TENM2: variants seen among roughly 807,000 people sequenced by gnomAD.
The protein encoded by TENM2 is teneurin-2.
A neutral mutation model predicts 245.2 loss-of-function variants in TENM2; 52 were observed. The observed-to-expected ratio is 0.21, with a 90% CI of 0.17 to 0.27. The LOEUF (loss-of-function observed/expected upper bound fraction) is 0.27, where lower values mean the gene tolerates loss of function less well. Among genes scored for constraint, TENM2 ranks in the 10% least tolerant of loss-of-function variants. The probability of loss-of-function intolerance (pLI) is 1.00; values close to 1 mark genes in which losing one functional copy is unlikely to be tolerated. For missense variants in TENM2, 3,046 were observed against 3,666.8 expected, an observed-to-expected ratio of 0.83 and a Z score of 4.37; for synonymous variants, 1,363 against 1,438.9, an observed-to-expected ratio of 0.95 and a Z score of 1.19.
intron 1 of TENM2, among the ~76,000 whole-genome samples, chr5:167,303,524 T>A (rs1755485335): frequency 1.3e-5 from 2 of 152,004 alleles, no homozygotes; most frequent in Non-Finnish European, 2.9e-5. Context: ...GAGAAGGAAT[T>A]TCACAAGATA....
At chr5:167,445,336 T>TATATATATATAGAGAG (rs368881390) in intron 2 of TENM2, among the ~76,000 whole-genome samples, 14 of 77,300 alleles carry the variant, frequency 1.8e-4, no homozygotes, top group Admixed American at 8.6e-4. Context: ...TATATATATA[T>TATATATATATAGAGAG]AGAGAGAGAG....
intron 7 of TENM2, among the ~76,000 whole-genome samples, chr5:168,076,898 A>C (rs922274336): frequency 1.3e-5 from 2 of 152,102 alleles, no homozygotes; most frequent in Non-Finnish European, 2.9e-5. Context: ...TGCAAATGAG[A>C]GAGGCGGGCC....
the TENM2 span, among the ~76,000 whole-genome samples, chr5:167,094,574 T>C: frequency 6.6e-6 from 1 of 152,234 alleles, no homozygotes; most frequent in African/African-American, 2.4e-5. Context: ...CTATCACTAA[T>C]TTTTTCAATA....
intron 2 of TENM2, among the ~76,000 whole-genome samples, chr5:167,437,600 T>C (rs549556429): frequency 3.9e-5 from 6 of 152,212 alleles, no homozygotes; most frequent in Non-Finnish European, 8.8e-5. Context: ...GCTGAAGATA[T>C]GGTTTGGCTG....
chr5:167,698,679 GTTTTTTTTT>G (rs1225922111), intron 2 of TENM2, among the ~76,000 whole-genome samples: 42 of 97,744 alleles, frequency 4.3e-4, no homozygotes, highest in Middle Eastern at 7.5e-3. Context: ...TTTGTTTTTT[GTTTTTTTTT>G]TTTTTTTTTT....
intron 12 of TENM2, among the ~76,000 whole-genome samples, chr5:168,135,093 A>G (rs2152385361): frequency 6.6e-6 from 1 of 152,328 alleles, no homozygotes; most frequent in African/African-American, 2.4e-5. Flanking sequence ...GACTCAATCA[A>G]GTACCACGCA....
intron 2 of TENM2, among the ~76,000 whole-genome samples, chr5:167,387,366 T>A (rs1056724271): frequency 2.0e-5 from 3 of 152,134 alleles, no homozygotes; most frequent in African/African-American, 7.2e-5. Context: ...GTACACTAAC[T>A]TTGTATCCGG....
chr5:166,999,332 G>C, the TENM2 span, among the ~76,000 whole-genome samples: 1 of 152,156 alleles, frequency 6.6e-6, no homozygotes, highest in African/African-American at 2.4e-5. Context: ...GTTATGGTTT[G>C]AGCACTAAGT....
At chr5:167,259,131 G>A in the TENM2 span, among the ~76,000 whole-genome samples, 10 of 152,148 alleles carry the variant, frequency 6.6e-5, no homozygotes, top group Admixed American at 1.3e-4. Flanking sequence ...GGCTAGAGAA[G>A]CACAGTTTGA....
chr5:167,809,807 T>C (rs143124286), intron 2 of TENM2, among the ~76,000 whole-genome samples: 128 of 152,200 alleles, frequency 8.4e-4, no homozygotes, highest in Non-Finnish European at 1.6e-3. Context: ...ATATGTAGTT[T>C]GGGGAATTAA....
At chr5:167,556,638 G>A (rs958970817) in intron 2 of TENM2, among the ~76,000 whole-genome samples, 1 of 152,058 alleles carries the variant, frequency 6.6e-6, no homozygotes, top group African/African-American at 2.4e-5. Context: ...TAGAGAGATA[G>A]TTCTCTAGCC....
the TENM2 span, among the ~76,000 whole-genome samples, chr5:167,265,155 G>T: frequency 6.6e-6 from 1 of 150,836 alleles, no homozygotes; most frequent in African/African-American, 2.4e-5. Context: ...GTGAAACCCC[G>T]TCTCTACTAA....
At chr5:167,398,499 T>C (rs901664879) in intron 2 of TENM2, among the ~76,000 whole-genome samples, 3 of 151,536 alleles carry the variant, frequency 2.0e-5, no homozygotes, top group African/African-American at 7.3e-5. Flanking sequence ...TGGCACCATC[T>C]TGGCTCACTG....
chr5:167,830,363 C>T (rs1273868030), intron 2 of TENM2, among the ~76,000 whole-genome samples: 3 of 152,162 alleles, frequency 2.0e-5, no homozygotes, highest in South Asian at 4.1e-4. Context: ...AGAGCAGGCT[C>T]ATTTTTACTT....
chr5:167,462,555 G>A (rs769169462), intron 2 of TENM2, among the ~76,000 whole-genome samples: 60 of 152,064 alleles, frequency 3.9e-4, no homozygotes, highest in Non-Finnish European at 8.1e-4. Context: ...TTTCAGCCAC[G>A]ACTGGGATGG....
rs1302505035 is a variant in TENM2 at position 167,284,989 on chromosome 5, A to G, written c.152A>G (p.His51Arg). Residue 51 changes from histidine (H) to arginine (R), a missense_variant, in exon 1 of 29, where the codon CAT (histidine) becomes CGT (arginine). Coordinates refer to ENST00000518659, the Ensembl canonical transcript of TENM2. ...AGTGAGACTCTGAAGGCCTATGACC[A>G]TGACAGCAGGATGCACTATGGAAAC... The G allele has an allele frequency of 1.3e-6, 2 of 1,552,078 alleles. No individual in the cohort carries two copies. Among genetic ancestry groups the G allele is most frequent in the East Asian group, 2.4e-5 (1 of 40,912 alleles).
intron 2 of TENM2, among the ~76,000 whole-genome samples, chr5:167,874,831 A>ACCT: frequency 6.6e-6 from 1 of 152,274 alleles, no homozygotes; most frequent in East Asian, 1.9e-4. Flanking sequence ...GTCACTGAGC[A>ACCT]CCTTCTGCCG....
chr5:168,098,592 C>T (rs1304323800), intron 9 of TENM2, among the ~76,000 whole-genome samples: 1 of 152,100 alleles, frequency 6.6e-6, no homozygotes, highest in Non-Finnish European at 1.5e-5. Context: ...CTGCTGTGCA[C>T]AGAATAGCTG....
chr5:168,260,176 G>A (rs759394063), intron 27 of TENM2, 107 bp from the exon 30 acceptor site: 483 of 1,193,126 alleles, frequency 4.0e-4, no homozygotes, highest in Non-Finnish European at 5.1e-4. Context: ...CCTCCCCTTT[G>A]GGCCCTACAC....
Sources: gnomAD v4.1 joint callset for allele counts (sites outside exome capture counted in the v4.1 genomes callset) on GRCh38, gnomAD v4.1.1 for gene constraint, MANE v1.5 for transcripts, NCBI Gene and HGNC (gene_info 2026-07-23, HGNC 2026-07-21) for gene names.